SRGAP2: variants seen among roughly 807,000 people sequenced by gnomAD.
The protein encoded by SRGAP2 is SLIT-ROBO Rho GTPase-activating protein 2.
In SRGAP2, 15 loss-of-function variants were observed where a neutral mutation model predicts 57.2. The observed-to-expected ratio is 0.26, with a 90% CI of 0.18 to 0.40. The LOEUF (loss-of-function observed/expected upper bound fraction) is 0.40. Among genes scored for constraint, SRGAP2 ranks in the 10% least tolerant of loss-of-function variants. The pLI is 1.00. For missense variants in SRGAP2, 520 were observed against 669.6 expected (o/e 0.78, Z 2.47); for synonymous variants, 249 against 248.0 (o/e 1.00, Z -0.04).
At chr1:206,447,818 C>G (rs1662895051) in intron 18 of SRGAP2, among the ~76,000 whole-genome samples, 1 of 152,230 alleles carries the variant, frequency 6.6e-6, no homozygotes, top group South Asian at 2.1e-4. Context: ...GCCCTGGCCC[C>G]TGAGTCCCAG....
chr1:206,417,414 CTTT>C (rs1219905489), intron 11 of SRGAP2, among the ~76,000 whole-genome samples: 3 of 110,786 alleles, frequency 2.7e-5, no homozygotes, highest in Middle Eastern at 5.6e-3. Flanking sequence ...GATCTTATGA[CTTT>C]TTTTTTTTTT....
chr1:206,451,082 A>ACTCCAG (rs1553375694), intron 19 of SRGAP2, among the ~76,000 whole-genome samples: 1 of 144,842 alleles, frequency 6.9e-6, no homozygotes, highest in African/African-American at 2.6e-5. Context: ...GTACTACAGT[A>ACTCCAG]CTCCAGCCTG....
chr1:206,230,097 C>CT lies in SRGAP2; in HGVS notation c.67+24061dup, dbSNP rs1407659779. On this transcript the variant is annotated intron_variant, in intron 2 of 22. Coordinates refer to ENST00000573034, the MANE Select transcript of SRGAP2 (RefSeq NM_015326.5). ...TCTGCTTTTGACTTGAATTGTTGAA[C>CT]TATTTGTCCCTTCGTAAACTGATCA... Among the ~76,000 whole-genome samples, 7 of 152,320 alleles carry CT rather than the reference C, an allele frequency of 4.6e-5. 1 individual carries two copies. The South Asian group carries it at 1.0e-3, about 23-fold the overall frequency.
intron 5 of SRGAP2, among the ~76,000 whole-genome samples, chr1:206,384,974 A>T (rs1656066710): frequency 7.1e-6 from 1 of 141,174 alleles, no homozygotes; most frequent in Admixed American, 7.0e-5. Context: ...TTACTTGCTT[A>T]TTTGCTGCAT....
chr1:206,432,522 C>G (rs58474256), intron 14 of SRGAP2, among the ~76,000 whole-genome samples: 1,763 of 152,232 alleles, frequency 0.012, 36 homozygotes, highest in African/African-American at 0.04. Context: ...TAGAAACAAC[C>G]TAAATGCCCA....
intron 3 of SRGAP2, among the ~76,000 whole-genome samples, chr1:206,306,528 C>T (rs1571805968): frequency 3.3e-5 from 5 of 152,090 alleles, no homozygotes; most frequent in Non-Finnish European, 7.4e-5. Flanking sequence ...AAAGAACAAA[C>T]CTTCCACCGT....
At chr1:206,430,297 G>A in intron 14 of SRGAP2, 75 bp downstream of exon 14, 1 of 762,770 alleles carries the variant, frequency 1.3e-6, no homozygotes. Flanking sequence ...TGTAGAGTAA[G>A]AATAGAGATT....
chr1:206,390,067 T>C (rs2103088420), intron 5 of SRGAP2, among the ~76,000 whole-genome samples: 1 of 137,976 alleles, frequency 7.2e-6, no homozygotes, highest in Admixed American at 7.5e-5. Context: ...AATATATATT[T>C]AACATGTATA....
In SRGAP2 at chr1:206,257,734, C is replaced by CTA. The variant is rs1328725780; in HGVS notation, c.68-45538_68-45537dup. Among the ~76,000 whole-genome samples the CTA allele has an allele frequency of 9.1e-3, 880 of 97,002 alleles. 26 individuals are homozygous for CTA. Among genetic ancestry groups the CTA allele is most frequent in the Admixed American group, 0.031 (297 of 9,674 alleles). 63.6% of individuals were successfully genotyped at this position (97,002 alleles called of 152,430 possible). ...AGTAGTGTGGTGGTAGGAAAGCAGACTATATATATACATATATATATACTA... is the reference window on the plus strand; with the variant it reads ...AGTAGTGTGGTGGTAGGAAAGCAGACTATATATATATACATATATATATACTA... On this transcript the variant is annotated intron_variant, in intron 2 of 22. Coordinates refer to ENST00000573034, the MANE Select transcript of SRGAP2 (RefSeq NM_015326.5).
At chr1:206,324,342 C>G (rs1431382396) in intron 3 of SRGAP2, among the ~76,000 whole-genome samples, 1 of 152,068 alleles carries the variant, frequency 6.6e-6, no homozygotes, top group African/African-American at 2.4e-5. Flanking sequence ...GTTTAACCAT[C>G]AGGATGGGAC....
intron 4 of SRGAP2, among the ~76,000 whole-genome samples, chr1:206,375,447 T>C (rs1553344192): frequency 6.6e-6 from 1 of 152,134 alleles, no homozygotes; most frequent in Non-Finnish European, 1.5e-5. Context: ...CCCACTCAAA[T>C]CATTATCCAA....
Position 206,453,238 on chromosome 1 carries a change from G to C in SRGAP2, c.2218G>C (p.Val740Leu). ...PIEAIAKFDY[V>L]GRTARELSFK... ...CGAGGCCATTGCCAAGTTTGACTAC[G>C]TGGGCCGGACAGCCCGAGAGCTATC... The change falls in exon 20 of 23, where the codon GTG becomes CTG. Residue 740 changes from valine to leucine, a missense_variant. Val to Leu is a conservative substitution (Grantham distance 32). Transcript: ENST00000573034. 1.6e-6 allele frequency: 1 copy of C among 637,398 alleles called. No individual in the cohort carries two copies. Among genetic ancestry groups the C allele is most frequent in the South Asian group, 1.8e-5 (1 of 56,436 alleles). The allele number at this position is 637,398 out of a possible 1,614,324, so 39.5% of individuals were successfully genotyped here. A position where few individuals can be genotyped will look rare whatever the true frequency, so the allele number is the denominator to read the frequency against.
chr1:206,417,216 AC>A (rs1659804864), intron 11 of SRGAP2, among the ~76,000 whole-genome samples: 1 of 144,910 alleles, frequency 6.9e-6, no homozygotes, highest in African/African-American at 2.6e-5. Context: ...GGATTCTCCC[AC>A]CTCAGCCTCC....
chr1:206,448,475 G>A (rs1454809390), intron 18 of SRGAP2, among the ~76,000 whole-genome samples: 1 of 152,202 alleles, frequency 6.6e-6, no homozygotes, highest in South Asian at 2.1e-4. Context: ...AGGGCTAGAA[G>A]AGACCTCAGA....
At chr1:206,421,923 T>C (rs1201756097) in intron 13 of SRGAP2, among the ~76,000 whole-genome samples, 1 of 152,142 alleles carries the variant, frequency 6.6e-6, no homozygotes, top group African/African-American at 2.4e-5. Context: ...TAAACAGCAC[T>C]TGTGCTTGTT....
rs1654822139 is a variant in SRGAP2, at chr1:206,373,013, CTTTCTTTCT to C, written c.424-10998_424-10990del. Among the ~76,000 whole-genome samples the C allele has an allele frequency of 2.8e-4, 27 of 96,680 alleles. 1 individual carries two copies. The South Asian group carries it at 3.0e-3, about 11-fold the overall frequency. The allele number at this position is 96,680 out of a possible 152,430, so 63.4% of individuals were successfully genotyped here. On this transcript the variant is annotated intron_variant, in intron 4 of 22. Transcript: ENST00000573034. ...TCTTTCTTTCTTTCTTTCTTTCTTT[CTTTCTTTCT>C]TTCTTTTCTTTCTCTCTCTCTCTCT...
At chr1:206,416,629 C>T (rs566394142) in intron 11 of SRGAP2, among the ~76,000 whole-genome samples, 1 of 152,296 alleles carries the variant, frequency 6.6e-6, no homozygotes, top group East Asian at 1.9e-4. Flanking sequence ...TTTCTCTCCT[C>T]AACTGTCAAA....
intron 2 of SRGAP2, among the ~76,000 whole-genome samples, chr1:206,222,845 C>T (rs1250414017): frequency 8.6e-5 from 13 of 151,064 alleles, no homozygotes; most frequent in Non-Finnish European, 1.9e-4. Flanking sequence ...TATGTTCTGC[C>T]TACATCCCAG....
Position 206,462,514 on chromosome 1 carries a change from A to G in SRGAP2, c.*1094A>G, listed in dbSNP as rs1212080392. ...TTAAATTCAGCTTTGCTAATCCAGA[A>G]ATTGTTCCCAAATGAAAACTTGTTT... On this transcript the variant is annotated 3_prime_UTR_variant, in exon 23 of 23. Transcript: ENST00000573034. The G allele has an allele frequency of 6.6e-6, 1 of 152,548 alleles. No individual in the cohort carries two copies. The highest frequency in any genetic ancestry group is 2.4e-5 in the African/African-American group (1 of 41,420). 9.4% of individuals were successfully genotyped at this position (152,548 alleles called of 1,614,324 possible). A position where few individuals can be genotyped will look rare whatever the true frequency, so the allele number is the denominator to read the frequency against.
Sources: gnomAD v4.1 joint callset for allele counts (sites outside exome capture counted in the v4.1 genomes callset) on GRCh38, gnomAD v4.1.1 for gene constraint, MANE v1.5 for transcripts, NCBI Gene and HGNC (gene_info 2026-07-23, HGNC 2026-07-21) for gene names.